Variants in MBD5 observed in about 807,000 individuals in gnomAD.
MBD5 encodes the protein methyl-CpG-binding domain protein 5.
In MBD5, 13 loss-of-function variants were observed where a neutral mutation model predicts 117.3. The observed-to-expected ratio is 0.11, with a 90% CI of 0.07 to 0.18. The LOEUF (loss-of-function observed/expected upper bound fraction) is 0.18, where lower values mean the gene tolerates loss of function less well. MBD5 is among the 10% of genes least tolerant of loss of function. MBD5 has a pLI of 1.00. For synonymous variants in MBD5, 727 were observed against 766.4 expected, an observed-to-expected ratio of 0.95 and a Z score of 0.85; for missense variants, 1,879 against 2,093.8, an observed-to-expected ratio of 0.90 and a Z score of 2.00.
At chr2:148,508,333 C>A (rs140631168) in intron 12 of MBD5, among the ~76,000 whole-genome samples, 168 of 151,952 alleles carry the variant, frequency 1.1e-3, no homozygotes, top group Non-Finnish European at 1.8e-3. Context: ...ATTATACAAA[C>A]TAGATGGTAT....
In MBD5 at chr2:148,409,264, TG is replaced by T; in HGVS notation, c.-556-48938del. The stretch of plus-strand genomic sequence containing the variant: ...TTAGCCAGACGTTATGGCACGTGCC[TG>T]TAGCCCTAGCTACTCGGGAGGCTGA... On this transcript the variant is annotated intron_variant, in intron 4 of 13. Coordinates refer to ENST00000642680, the MANE Select transcript of MBD5 (RefSeq NM_001378120.1). 3.3e-5 allele frequency among the ~76,000 whole-genome samples: 5 copies of T among 152,020 alleles called. 1 individual carries two copies. Among genetic ancestry groups the T allele is most frequent in the Admixed American group, 3.3e-4 (5 of 15,270 alleles).
intron 2 of MBD5, among the ~76,000 whole-genome samples, chr2:148,200,782 G>T (rs565648138): frequency 1.3e-5 from 2 of 150,544 alleles, no homozygotes; most frequent in African/African-American, 2.5e-5. Flanking sequence ...AAAATACTTC[G>T]CACATCATTA....
chr2:148,323,854 C>T (rs1162826528), intron 3 of MBD5, among the ~76,000 whole-genome samples: 9 of 152,134 alleles, frequency 5.9e-5, no homozygotes, highest in Admixed American at 5.9e-4. Flanking sequence ...TAATTAGATC[C>T]CATTTGTCAA....
intron 3 of MBD5, among the ~76,000 whole-genome samples, chr2:148,257,900 C>T (rs75608161): frequency 0.13 from 19,277 of 152,194 alleles, 1,482 homozygotes; most frequent in Non-Finnish European, 0.18. Context: ...ATCAAATCCA[C>T]GTTTGATGAT....
chr2:148,337,147 T>A lies in MBD5; in HGVS notation c.-679-5067T>A, dbSNP rs57336274. ...CTTTGGTACCCAGTGCTCAGTTACC[T>A]TAATCACAGCCCCTCCAAACTCTTT... On this transcript the variant is annotated intron_variant, in intron 3 of 13. Transcript: ENST00000642680. Among the ~76,000 whole-genome samples, 1,229 of 152,294 alleles carry A rather than the reference T, an allele frequency of 8.1e-3. 16 individuals are homozygous for A. Among genetic ancestry groups the A allele is most frequent in the African/African-American group, 0.028 (1,160 of 41,568 alleles).
intron 8 of MBD5, among the ~76,000 whole-genome samples, chr2:148,481,430 T>A (rs1426051217): frequency 6.6e-6 from 1 of 152,172 alleles, no homozygotes; most frequent in African/African-American, 2.4e-5. Flanking sequence ...AAATGTAAAG[T>A]TTTTTAGGAT....
intron 1 of MBD5, among the ~76,000 whole-genome samples, chr2:148,127,700 C>G (rs1009191620): frequency 6.6e-6 from 1 of 152,156 alleles, no homozygotes; most frequent in African/African-American, 2.4e-5. Context: ...TATACGCATG[C>G]ATGTATCTTT....
chr2:148,373,850 T>C (rs544446154), intron 4 of MBD5, among the ~76,000 whole-genome samples: 21 of 152,256 alleles, frequency 1.4e-4, no homozygotes, highest in Non-Finnish European at 2.5e-4. Context: ...TCTGTCCTTA[T>C]TTAGTGTGTT....
At chr2:148,223,957 T>C (rs576271669) in intron 2 of MBD5, among the ~76,000 whole-genome samples, 1 of 152,330 alleles carries the variant, frequency 6.6e-6, no homozygotes, top group Admixed American at 6.5e-5. Context: ...GTTTCAATTT[T>C]CTTTTTAATT....
chr2:148,284,897 G>T (rs1701335603), intron 3 of MBD5, among the ~76,000 whole-genome samples: 1 of 152,040 alleles, frequency 6.6e-6, no homozygotes, highest in African/African-American at 2.4e-5. Flanking sequence ...TCTCCATAAA[G>T]GTTGTCTACC....
intron 1 of MBD5, among the ~76,000 whole-genome samples, chr2:148,137,676 C>T (rs560510284): frequency 6.6e-5 from 10 of 152,304 alleles, no homozygotes; most frequent in African/African-American, 2.4e-4. Flanking sequence ...ATGGATGATA[C>T]TGTGGTCATG....
intron 8 of MBD5, among the ~76,000 whole-genome samples, chr2:148,482,211 T>C (rs1370065684): frequency 6.6e-6 from 1 of 152,136 alleles, no homozygotes; most frequent in African/African-American, 2.4e-5. Flanking sequence ...CTTTTAAGAA[T>C]TTATCCTTAG....
At chr2:148,179,248 G>A (rs560154132) in intron 2 of MBD5, among the ~76,000 whole-genome samples, 2 of 151,788 alleles carry the variant, frequency 1.3e-5, no homozygotes, top group African/African-American at 2.4e-5. Context: ...CCAGCTACTC[G>A]GGAGGCTGAG....
chr2:148,052,841 G>T (rs1462755919), intron 1 of MBD5, among the ~76,000 whole-genome samples: 4 of 151,678 alleles, frequency 2.6e-5, no homozygotes, highest in Non-Finnish European at 5.9e-5. Context: ...CCTGGAAAAT[G>T]CTGTGTATTT....
At position 148,485,794 on chromosome 2, in the gene MBD5, A is replaced by T; in HGVS notation, c.3597A>T (p.Leu1199=). 6.2e-7 allele frequency: 1 copy of T among 1,614,058 alleles called. No homozygotes were observed. Among genetic ancestry groups the T allele is most frequent in the Non-Finnish European group, 8.5e-7 (1 of 1,179,948 alleles). ...TGAGTAACCATCAACTGACTCATCT[A>T]CAGTCGCTGTTAAACAACAATCAGA... ...NTLSNHQLTH[L]QSLLNNNQMF... Residue 1199 remains leucine (L), a synonymous_variant, in exon 10 of 14, where the codon CTA becomes CTT. Coordinates refer to ENST00000642680, the MANE Select transcript of MBD5 (RefSeq NM_001378120.1).
intron 1 of MBD5, chr2:148,054,247 G>C (rs976348100): frequency 1.3e-5 from 2 of 152,012 alleles, no homozygotes; most frequent in Admixed American, 6.6e-5. Flanking sequence ...AATTCTCTTA[G>C]TTCATATGTT....
At chr2:148,492,298 T>C (rs932565592) in intron 11 of MBD5, among the ~76,000 whole-genome samples, 9 of 151,996 alleles carry the variant, frequency 5.9e-5, no homozygotes, top group African/African-American at 2.2e-4. Flanking sequence ...ATTTTGGCAA[T>C]AGATGAATTA....
chr2:148,345,626 CATACATATGTATATACACGTATACAT>C (rs1388198103), intron 4 of MBD5, among the ~76,000 whole-genome samples: 2,115 of 60,718 alleles, frequency 0.035, 17 homozygotes, highest in African/African-American at 0.076. Flanking sequence ...CACGTATACA[CATACATATGTATATACACGTATACAT>C]ATACATATGT....
In MBD5 at chr2:148,311,647, C is replaced by T. The variant is rs771219518; in HGVS notation, c.-679-30567C>T. Among the ~76,000 whole-genome samples the T allele has an allele frequency of 1.6e-3, 236 of 152,162 alleles. 1 individual carries two copies. Among genetic ancestry groups the T allele is most frequent in the Non-Finnish European group, 2.0e-3 (134 of 68,034 alleles). On this transcript the variant is annotated intron_variant, in intron 3 of 13. Transcript: ENST00000642680. ...TTAATTAGGGCATTTAGCCTGTTTA[C>T]ATTTGAGGGTAATATTGTTATGTCT...
Sources: gnomAD v4.1 joint callset for allele counts (sites outside exome capture counted in the v4.1 genomes callset) on GRCh38, gnomAD v4.1.1 for gene constraint, MANE v1.5 for transcripts, NCBI Gene and HGNC (gene_info 2026-07-23, HGNC 2026-07-21) for gene names.